Variants in POM121C observed in about 807,000 individuals in gnomAD.
POM121C encodes POM121 transmembrane nucleoporin C.
A neutral mutation model predicts 66.4 loss-of-function variants in POM121C; 20 were observed. The observed-to-expected ratio is 0.30, with a 90% CI of 0.21 to 0.44. POM121C has a LOEUF of 0.44. Among genes scored for constraint, POM121C ranks in the 20% least tolerant of loss-of-function variants. The pLI is 1.00. For synonymous variants in POM121C, 286 were observed against 528.0 expected (o/e 0.54, Z 6.28); for missense variants, 580 against 1,225.7 (o/e 0.47, Z 7.87).
At chr7:75,471,399 G>A (rs782204255) in intron 3 of POM121C, among the ~76,000 whole-genome samples, 85 of 151,658 alleles carry the variant, frequency 5.6e-4, no homozygotes, top group Non-Finnish European at 1.1e-3. Context: ...AGTAGAGACG[G>A]GTTGGCCAGG....
Position 75,485,924 on chromosome 7 carries a change from C to T in POM121C, c.-518G>A, listed in dbSNP as rs186328613. ...CCGAGAGGCCGGGGCGGGCTGCTGT[C>T]GCTGGCGCGCGCGTCTGCTCGCGAG... is the stretch of plus-strand genomic sequence containing the variant. On this transcript the variant is annotated 5_prime_UTR_variant, in exon 1 of 15. Coordinates refer to ENST00000615331, the MANE Select transcript of POM121C (RefSeq NM_001099415.3). 4.0e-6 allele frequency: 2 copies of T among 496,764 alleles called. No homozygotes were observed. Among genetic ancestry groups the T allele is most frequent in the African/African-American group, 3.9e-5 (2 of 51,738 alleles). The allele number at this position is 496,764 out of a possible 1,614,324, so 30.8% of individuals were successfully genotyped here.
Position 75,450,380 on chromosome 7 carries a change from T to A in POM121C, c.-151-8733A>T, listed in dbSNP as rs192139356. Reference sequence around the variant, plus strand: ...GAGAAAGCAGGAAAGCTGGGGAGAATTCCTCTAGGAAAGCAGGGCAGTCAC... The same window carrying A: ...GAGAAAGCAGGAAAGCTGGGGAGAAATCCTCTAGGAAAGCAGGGCAGTCAC... On this transcript the variant is annotated intron_variant, in intron 3 of 14. Transcript: ENST00000615331. 1.4e-3 allele frequency among the ~76,000 whole-genome samples: 207 copies of A among 152,272 alleles called. 1 individual carries two copies. The highest frequency in any genetic ancestry group is 4.6e-3 in the African/African-American group (192 of 41,528).
chr7:75,419,470 C>T (rs1388256498), intron 13 of POM121C, 28 bp from the exon 14 acceptor site: 33 of 1,610,504 alleles, frequency 2.0e-5, no homozygotes, highest in Non-Finnish European at 2.6e-5. Flanking sequence ...GAGAGCTAGC[C>T]AGTGAGCAGA....
At chr7:75,477,854 A>C (rs1792150330) in intron 1 of POM121C, among the ~76,000 whole-genome samples, 1 of 152,154 alleles carries the variant, frequency 6.6e-6, no homozygotes, top group African/African-American at 2.4e-5. Context: ...CAAGTACTGG[A>C]TATACCCTCC....
intron 8 of POM121C, among the ~76,000 whole-genome samples, chr7:75,426,049 G>A (rs1789928458): frequency 6.7e-6 from 1 of 150,194 alleles, no homozygotes; most frequent in African/African-American, 2.4e-5. Context: ...GGATCAGCTC[G>A]AGTCAAGAAC....
At chr7:75,479,699 C>T (rs1554479854) in intron 1 of POM121C, among the ~76,000 whole-genome samples, 2 of 150,984 alleles carry the variant, frequency 1.3e-5, no homozygotes, top group Non-Finnish European at 3.0e-5. Context: ...GGCACTGATA[C>T]CACCTGTAAA....
At chr7:75,456,886 C>T (rs1584692615) in intron 3 of POM121C, among the ~76,000 whole-genome samples, 2 of 151,300 alleles carry the variant, frequency 1.3e-5, no homozygotes, top group South Asian at 2.1e-4. Flanking sequence ...GTGGCTCATG[C>T]CTGTAATCCC....
At position 75,479,151 on chromosome 7, in the gene POM121C, A is replaced by C. The variant is rs587663887; in HGVS notation, c.-457-3963T>G. 9.3e-4 allele frequency among the ~76,000 whole-genome samples: 142 copies of C among 152,284 alleles called. 1 individual carries two copies. The highest frequency in any genetic ancestry group is 3.4e-3 in the Middle Eastern group (1 of 294). ...AAACACCTTTAAAAGCAAAGACACA[A>C]TGAAGACATTTGCAGACATATAATA... On this transcript the variant is annotated intron_variant, in intron 1 of 14. Transcript: ENST00000615331.
rs781824988 is a variant in POM121C at position 75,421,561 on chromosome 7, T to C, written c.2691A>G (p.Thr897=). 3.1e-6 allele frequency: 5 copies of C among 1,612,464 alleles called. No individual in the cohort carries two copies. In the South Asian group the frequency reaches 3.3e-5, roughly 11 times the overall value. The change falls in exon 13 of 15, where the codon ACA becomes ACG. Residue 897 remains threonine (T), a synonymous_variant. Coordinates refer to ENST00000615331, the MANE Select transcript of POM121C (RefSeq NM_001099415.3). ...TGCTGCCCACGTTGAAGGCAAACGG[T>C]GTGCTCTGGCCGGTGGTGCCCAGGG... ...QNALGTTGQS[T]PFAFNVGSTT...
Position 75,474,892 on chromosome 7 carries a change from A to T in POM121C, c.-330-10T>A. The T allele has an allele frequency of 9.2e-7, 1 of 1,087,394 alleles. No homozygotes were observed. Among genetic ancestry groups the T allele is most frequent in the Non-Finnish European group, 1.4e-6 (1 of 728,910 alleles). The allele number at this position is 1,087,394 out of a possible 1,614,324, so 67.4% of individuals were successfully genotyped here. The stretch of plus-strand genomic sequence containing the variant: ...GTTGCCACCTCATAAGCTGCATAAC[A>T]GAAATGCTCCATTTTTTACCTTATC... On this transcript the variant is annotated splice_polypyrimidine_tract_variant and intron_variant, in intron 2 of 14. Coordinates refer to ENST00000615331, the MANE Select transcript of POM121C (RefSeq NM_001099415.3).
chr7:75,472,911 GA>G lies in POM121C; in HGVS notation c.-152+1792del, dbSNP rs587703105. 8.5e-5 allele frequency among the ~76,000 whole-genome samples: 13 copies of G among 152,300 alleles called. No homozygotes were observed. The South Asian group carries it at 2.7e-3, about 32-fold the overall frequency. On this transcript the variant is annotated intron_variant, in intron 3 of 14. Coordinates refer to ENST00000615331, the MANE Select transcript of POM121C (RefSeq NM_001099415.3). ...CTCAGCAAGTAAAATGCAGATGAAG[GA>G]AAAGGACAATGATCATTTGAATGGA... is the stretch of plus-strand genomic sequence containing the variant.
chr7:75,462,321 C>G (rs1315715455), intron 3 of POM121C, among the ~76,000 whole-genome samples: 7 of 152,230 alleles, frequency 4.6e-5, no homozygotes, highest in Non-Finnish European at 7.3e-5. Context: ...GATTGTAAGT[C>G]TCCTGAGGCC....
At chr7:75,423,681 G>A (rs587603843) in intron 12 of POM121C, among the ~76,000 whole-genome samples, 7 of 152,264 alleles carry the variant, frequency 4.6e-5, no homozygotes, top group African/African-American at 1.2e-4. Context: ...TCAAAGTGCT[G>A]GAGGGAAAGG....
chr7:75,428,715 C>G (rs1330684684), intron 7 of POM121C, among the ~76,000 whole-genome samples: 2 of 152,218 alleles, frequency 1.3e-5, no homozygotes, highest in East Asian at 3.9e-4. Context: ...TGAGGTGGCT[C>G]ATGCCTGTAA....
Position 75,474,838 on chromosome 7 carries a change from T to A in POM121C, c.-286A>T, listed in dbSNP as rs1415304842. 12 of 1,306,448 alleles carry A rather than the reference T, an allele frequency of 9.2e-6. No individual in the cohort carries two copies. The highest frequency in any genetic ancestry group is 1.2e-5 in the Non-Finnish European group (11 of 918,450). 80.9% of individuals were successfully genotyped at this position (1,306,448 alleles called of 1,614,324 possible). On this transcript the variant is annotated 5_prime_UTR_variant, in exon 3 of 15. Coordinates refer to ENST00000615331, the MANE Select transcript of POM121C (RefSeq NM_001099415.3). Reference sequence around the variant, plus strand: ...AAGAAGAAGGACTTGGGCAAGTTGCTCGGCTTCAGAATCTCCGAAGTACAA... The same window carrying A: ...AAGAAGAAGGACTTGGGCAAGTTGCACGGCTTCAGAATCTCCGAAGTACAA...
chr7:75,475,911 T>A (rs1294651379), intron 1 of POM121C, among the ~76,000 whole-genome samples: 1 of 151,914 alleles, frequency 6.6e-6, no homozygotes, highest in South Asian at 2.1e-4. Flanking sequence ...AATTGTGTAT[T>A]CTATGGGATG....
In POM121C at chr7:75,421,973, G is replaced by A; in HGVS notation, c.2279C>T (p.Pro760Leu). Reference sequence around the variant, plus strand: ...GCCAAAGGTAGGCTGGATGGGCGTAGGCACGTGCGCAGGCACGATCTTGAT... The same window carrying A: ...GCCAAAGGTAGGCTGGATGGGCGTAAGCACGTGCGCAGGCACGATCTTGAT... ...STIKIVPAHV[P>L]TPIQPTFGGA... is the part of the protein sequence containing the mutation. Residue 760 changes from proline (P) to leucine (L), a missense_variant, in exon 13 of 15, where the codon CCT (proline) becomes CTT (leucine). Physicochemically the swap from Pro to Leu is moderately conservative, Grantham distance 98. Coordinates refer to ENST00000615331, the MANE Select transcript of POM121C (RefSeq NM_001099415.3). The A allele has an allele frequency of 6.2e-7, 1 of 1,613,902 alleles. No individual in the cohort carries two copies. Among genetic ancestry groups the A allele is most frequent in the South Asian group, 1.1e-5 (1 of 91,088 alleles).
At position 75,417,530 on chromosome 7, in the gene POM121C, T is replaced by C. The variant is rs1563134307; in HGVS notation, c.*1266A>G. On this transcript the variant is annotated 3_prime_UTR_variant, in exon 15 of 15. Coordinates refer to ENST00000615331, the MANE Select transcript of POM121C (RefSeq NM_001099415.3). Reference sequence around the variant, plus strand: ...GGCGTGACAGCAAGGCGCTTGGGCCTGGGGTATGTGGTTTCAGAAGGACGG... The same window carrying C: ...GGCGTGACAGCAAGGCGCTTGGGCCCGGGGTATGTGGTTTCAGAAGGACGG... The C allele has an allele frequency of 1.0e-6, 1 of 985,374 alleles. No homozygotes were observed. The highest frequency in any genetic ancestry group is 1.2e-6 in the Non-Finnish European group (1 of 829,620). 61.0% of individuals were successfully genotyped at this position (985,374 alleles called of 1,614,324 possible).
At chr7:75,424,917 G>A in intron 10 of POM121C, 157 bp downstream of exon 10, 2 of 1,457,484 alleles carry the variant, frequency 1.4e-6, no homozygotes, top group East Asian at 2.5e-5. Context: ...CCAAAATCGA[G>A]CCACTGAACT....
Sources: gnomAD v4.1 joint callset for allele counts (sites outside exome capture counted in the v4.1 genomes callset) on GRCh38, gnomAD v4.1.1 for gene constraint, MANE v1.5 for transcripts, NCBI Gene and HGNC (gene_info 2026-07-23, HGNC 2026-07-21) for gene names.